The following ENTPD2 variants were observed in gnomAD, a reference collection of about 807,000 sequenced individuals.
The protein encoded by ENTPD2 is CD39 antigen-like 1.
A neutral mutation model predicts 46.8 loss-of-function variants in ENTPD2; 48 were observed. The ratio of observed to expected loss-of-function variants is 1.03; its 90% CI spans 0.81 to 1.30. The LOEUF (loss-of-function observed/expected upper bound fraction) is 1.30. Among genes scored for constraint, ENTPD2 ranks in the 50% most tolerant of loss-of-function variants. The pLI, the probability that ENTPD2 is intolerant of heterozygous loss-of-function variation, is 0.00. For synonymous variants in ENTPD2, 316 were observed against 286.1 expected, an observed-to-expected ratio of 1.10 and a Z score of -1.06; for missense variants, 707 against 651.1, an observed-to-expected ratio of 1.09 and a Z score of -0.93.
chr9:137,050,779 TCC>T, intron 5 of ENTPD2, 121 bp downstream of exon 5: 1 of 1,342,964 alleles, frequency 7.4e-7, no homozygotes, highest in Admixed American at 2.0e-5. Flanking sequence ...GCTCTGACCC[TCC>T]CACCTGTCTT....
chr9:137,050,922 G>A lies in ENTPD2; in HGVS notation c.754C>T (p.Leu252=), dbSNP rs771657320. ...GGCACCTGGAGGGCGCTGGCCAGCA[G>A]CCTCTGGAGGACCTGGTCACGGCCA... is the stretch of plus-strand genomic sequence containing the variant. The part of the protein sequence containing the change: ...CYGRDQVLQR[L]LASALQTHGF... The change falls in exon 5 of 9, where the codon CTG becomes TTG. Residue 252 remains leucine (L), a synonymous_variant. Coordinates refer to ENST00000355097, the MANE Select transcript of ENTPD2 (RefSeq NM_203468.3). 6.2e-7 allele frequency: 1 copy of A among 1,611,878 alleles called. No homozygotes were observed. Among genetic ancestry groups the A allele is most frequent in the Non-Finnish European group, 8.5e-7 (1 of 1,179,992 alleles).
chr9:137,051,752 G>A, intron 2 of ENTPD2, 92 bp from the exon 3 acceptor site: 2 of 1,454,008 alleles, frequency 1.4e-6, no homozygotes, highest in Non-Finnish European at 9.0e-7. Flanking sequence ...TGGGGGCCGT[G>A]GGCTCCCAGA....
intron 2 of ENTPD2, 48 bp from the exon 3 acceptor site, chr9:137,051,708 GGT>G (rs1210987405): frequency 6.4e-7 from 1 of 1,553,390 alleles, no homozygotes; most frequent in African/African-American, 1.4e-5. Flanking sequence ...GCAGCCCCTA[GGT>G]GGGCCGTAGG....
At position 137,048,701 on chromosome 9, in the gene ENTPD2, G is replaced by C. The variant is rs761265539; in HGVS notation, c.1444C>G (p.Leu482Val). 1.2e-5 allele frequency: 20 copies of C among 1,605,676 alleles called. No homozygotes were observed. The highest frequency in any genetic ancestry group is 1.6e-5 in the Non-Finnish European group (19 of 1,177,048). Residue 482 changes from leucine (L) to valine (V), a missense_variant, in exon 9 of 9, where the codon CTG becomes GTG. Leu to Val is a conservative substitution (Grantham distance 32). Transcript: ENST00000355097. ...TTGGCGGAGTGCACCTGACGCAGCA[G>C]CAGGACAAGCGCAGCCAGGAGCGCG... ...ASALLAALVLLLRQVHSAKLP... is the reference protein window; with the variant it reads ...ASALLAALVLVLRQVHSAKLP...
chr9:137,052,399 C>A, intron 1 of ENTPD2, 51 bp from the exon 2 acceptor site: 1 of 1,386,834 alleles, frequency 7.2e-7, no homozygotes. Flanking sequence ...GGCCCTGACA[C>A]CCTGACACCA....
Position 137,048,926 on chromosome 9 carries a change from C to T in ENTPD2, c.1284+15G>A. The T allele has an allele frequency of 6.6e-7, 1 of 1,505,508 alleles. No individual in the cohort carries two copies. The highest frequency in any genetic ancestry group is 8.9e-7 in the Non-Finnish European group (1 of 1,129,248). 93.3% of individuals were successfully genotyped at this position (1,505,508 alleles called of 1,614,324 possible). On this transcript the variant is annotated intron_variant, in intron 8 of 8. Coordinates refer to ENST00000355097, the MANE Select transcript of ENTPD2 (RefSeq NM_203468.3). ...CCCCGCAAGGTCGGCCCCGCCCCGC[C>T]CCGCCCCAGCCCACCTTCTTCTGGA...
At chr9:137,049,593 G>A (rs1169212077) in intron 7 of ENTPD2, 2 of 472,470 alleles carry the variant, frequency 4.2e-6, no homozygotes, top group South Asian at 2.4e-5. Flanking sequence ...TACCATGGAG[G>A]GAACCAGTGG....
chr9:137,052,358 A>AGG lies in ENTPD2; in HGVS notation c.118-12_118-11dup, dbSNP rs554571357. The AGG allele has an allele frequency of 1.1e-6, 1 of 906,512 alleles. No individual in the cohort carries two copies. The highest frequency in any genetic ancestry group is 3.0e-5 in the East Asian group (1 of 33,776). The allele number at this position is 906,512 out of a possible 1,614,324, so 56.2% of individuals were successfully genotyped here. A position where few individuals can be genotyped will look rare whatever the true frequency, so the allele number is the denominator to read the frequency against. On this transcript the variant is annotated splice_polypyrimidine_tract_variant and intron_variant, in intron 1 of 8. Coordinates refer to ENST00000355097, the MANE Select transcript of ENTPD2 (RefSeq NM_203468.3). ...CCAGGACGATGCCATACTGCGGGGG[A>AGG]GGGGGAGGGAGTCAGCCTGGGGTGT...
Position 137,049,896 on chromosome 9 carries a change from T to C in ENTPD2, c.1123A>G (p.Asn375Asp). 1 of 1,612,102 alleles carries C rather than the reference T, an allele frequency of 6.2e-7. No individual in the cohort carries two copies. Among genetic ancestry groups the C allele is most frequent in the Non-Finnish European group, 8.5e-7 (1 of 1,179,738 alleles). ...TLQQLEAAAV[N>D]VCNQTWAQLQ... ...TGAGCCCAGGTCTGGTTGCAGACAT[T>C]CACTGCGGCTGCCTCCAGCTGCTGC... is the stretch of plus-strand genomic sequence containing the variant. The change falls in exon 7 of 9, where the codon AAT becomes GAT. Residue 375 changes from asparagine (N) to aspartate (D), a missense_variant. Asn to Asp is a conservative substitution (Grantham distance 23, BLOSUM62 1). Transcript: ENST00000355097.
chr9:137,049,335 G>A (rs914484061), intron 7 of ENTPD2: 1 of 692,342 alleles, frequency 1.4e-6, no homozygotes, highest in East Asian at 2.8e-5. Flanking sequence ...TGGCCACCAG[G>A]GAGCAGGAGG....
In ENTPD2 at chr9:137,051,560, G is replaced by GT. The variant is rs767246660; in HGVS notation, c.335dup (p.His112GlnfsTer42). The GT allele has an allele frequency of 1.1e-5, 17 of 1,612,398 alleles. No homozygotes were observed. Among genetic ancestry groups the GT allele is most frequent in the Non-Finnish European group, 4.2e-6 (5 of 1,179,788 alleles). ...CTCCCAGGTAGAGGGGTGTGCCCGC[G>GT]TGTCTCTCTTTGGGCACATCCTGAA... On this transcript the variant is annotated frameshift_variant, in exon 3 of 9. Coordinates refer to ENST00000355097, the MANE Select transcript of ENTPD2 (RefSeq NM_203468.3). LOFTEE classifies it high-confidence loss of function.
intron 5 of ENTPD2, 26 bp downstream of exon 5, chr9:137,050,876 G>C: frequency 1.2e-6 from 2 of 1,603,148 alleles, no homozygotes; most frequent in Non-Finnish European, 1.7e-6. Context: ...ACAGTGCAGT[G>C]CAGGTGAGCC....
chr9:137,049,550 T>G, intron 7 of ENTPD2: 1 of 436,236 alleles, frequency 2.3e-6, no homozygotes, highest in Non-Finnish European at 4.1e-6. Flanking sequence ...ACACTCCCGG[T>G]GCCCAGACCC....
chr9:137,048,368 G>C lies in ENTPD2; in HGVS notation c.*289C>G, dbSNP rs929619860. 2.6e-6 allele frequency: 1 copy of C among 384,606 alleles called. No individual in the cohort carries two copies. Among genetic ancestry groups the C allele is most frequent in the Middle Eastern group, 6.9e-4 (1 of 1,450 alleles). The allele number at this position is 384,606 out of a possible 1,614,324, so 23.8% of individuals were successfully genotyped here. ...GATTGAGCGCTCTTTGCCCACCCAG[G>C]CTCCTGTGGGTACCAGAGTCTCAGT... On this transcript the variant is annotated 3_prime_UTR_variant, in exon 9 of 9. Coordinates refer to ENST00000355097, the MANE Select transcript of ENTPD2 (RefSeq NM_203468.3).
chr9:137,050,481 C>T lies in ENTPD2; in HGVS notation c.832G>A (p.Asp278Asn), dbSNP rs1335279445. 1.9e-6 allele frequency: 3 copies of T among 1,612,732 alleles called. No individual in the cohort carries two copies. Among genetic ancestry groups the T allele is most frequent in the South Asian group, 2.2e-5 (2 of 91,086 alleles). Residue 278 changes from aspartate to asparagine, a missense_variant, in exon 6 of 9, where the codon GAT becomes AAT. By Grantham distance (23) the Asp-to-Asn change is conservative (BLOSUM62 1). Coordinates refer to ENST00000355097, the MANE Select transcript of ENTPD2 (RefSeq NM_203468.3). ...RGFSTQVLLG[D>N]VYQSPCTMAQ... ...ATGGTGCATGGTGACTGGTACACAT[C>T]CCCGAGCAGCACTTGGGTGGAAAAG...
At chr9:137,049,643 C>A in intron 7 of ENTPD2, 1 of 536,238 alleles carries the variant, frequency 1.9e-6, no homozygotes, top group Non-Finnish European at 3.3e-6. Context: ...CCCCTGCCCT[C>A]CAGATCTGGG....
At chr9:137,049,582 G>GT in intron 7 of ENTPD2, 1 of 461,686 alleles carries the variant, frequency 2.2e-6, no homozygotes, top group Non-Finnish European at 3.9e-6. Flanking sequence ...CCCTTGTGTG[G>GT]TACCATGGAG....
Position 137,050,389 on chromosome 9 carries a change from G to A in ENTPD2, c.924C>T (p.His308=). The A allele has an allele frequency of 6.2e-7, 1 of 1,612,982 alleles. No individual in the cohort carries two copies. Among genetic ancestry groups the A allele is most frequent in the Non-Finnish European group, 8.5e-7 (1 of 1,179,992 alleles). The change falls in exon 6 of 9, where the codon CAC becomes CAT. Residue 308 remains histidine (H), a synonymous_variant. Coordinates refer to ENST00000355097, the MANE Select transcript of ENTPD2 (RefSeq NM_203468.3). ...RVSLSGSSDP[H]LCRDLVSGLF... is the part of the protein sequence containing the mutation. ...GCCCAGAAACCAGATCTCGGCAGAGGTGGGGGTCACTGCTCCCTGACAGGC... is the reference window on the plus strand; with the variant it reads ...GCCCAGAAACCAGATCTCGGCAGAGATGGGGGTCACTGCTCCCTGACAGGC...
At chr9:137,050,792 T>C (rs1832271941) in intron 5 of ENTPD2, 110 bp downstream of exon 5, 2 of 1,396,128 alleles carry the variant, frequency 1.4e-6, no homozygotes, top group Non-Finnish European at 9.8e-7. Context: ...CACCTGTCTT[T>C]CCAGCCAATT....
Sources: gnomAD v4.1 joint callset for allele counts on GRCh38, gnomAD v4.1.1 for gene constraint, MANE v1.5 for transcripts, NCBI Gene and HGNC (gene_info 2026-07-23, HGNC 2026-07-21) for gene names.